IQCM: variants seen among roughly 807,000 people sequenced by gnomAD.
IQCM encodes IQ domain-containing protein M.
IQCM carries 45 observed loss-of-function variants against 57.6 expected under a neutral mutation model. The observed-to-expected ratio is 0.78, with a 90% CI of 0.62 to 1.00. IQCM has a LOEUF of 1.00. Ranked by LOEUF, IQCM falls within the 50% of genes least tolerant of loss-of-function variation. The probability of loss-of-function intolerance (pLI) is 0.00; values close to 1 mark genes in which losing one functional copy is unlikely to be tolerated. For missense variants in IQCM, 468 were observed against 511.6 expected (o/e 0.91, Z 0.82); for synonymous variants, 148 against 158.9 (o/e 0.93, Z 0.51).
chr4:149,457,865 T>C (rs1209368592), intron 12 of IQCM, among the ~76,000 whole-genome samples: 1 of 152,054 alleles, frequency 6.6e-6, no homozygotes, highest in Non-Finnish European at 1.5e-5. Context: ...AAATTAGACA[T>C]TCATTTTGAC....
intron 5 of IQCM, among the ~76,000 whole-genome samples, chr4:149,698,525 T>C (rs1763509798): frequency 6.6e-6 from 1 of 152,088 alleles, no homozygotes; most frequent in African/African-American, 2.4e-5. Flanking sequence ...GTTTTGTCAG[T>C]GCAATTTAAC....
intron 7 of IQCM, among the ~76,000 whole-genome samples, chr4:149,643,117 A>G (rs532983663): frequency 6.6e-6 from 1 of 152,336 alleles, no homozygotes; most frequent in Admixed American, 6.5e-5. Flanking sequence ...ACATAGGAAC[A>G]ACAACATAGC....
At chr4:149,379,855 C>T (rs1297584259) in intron 13 of IQCM, among the ~76,000 whole-genome samples, 1 of 152,166 alleles carries the variant, frequency 6.6e-6, no homozygotes, top group Non-Finnish European at 1.5e-5. Flanking sequence ...ACCCAAATCT[C>T]ATCTTGAATT....
chr4:149,514,987 T>C (rs1744792854), intron 12 of IQCM, among the ~76,000 whole-genome samples: 1 of 152,088 alleles, frequency 6.6e-6, no homozygotes, highest in Admixed American at 6.6e-5. Context: ...CTGGCTTCCT[T>C]GCTCCTCAGC....
chr4:149,664,543 C>A (rs531569835), intron 7 of IQCM, among the ~76,000 whole-genome samples: 175 of 152,196 alleles, frequency 1.1e-3, no homozygotes, highest in Middle Eastern at 3.4e-3. Context: ...CATCTCTGTG[C>A]AATTTCTTTA....
intron 12 of IQCM, among the ~76,000 whole-genome samples, chr4:149,548,105 C>A (rs1748642018): frequency 1.3e-5 from 2 of 152,064 alleles, no homozygotes; most frequent in Admixed American, 6.5e-5. Flanking sequence ...AGAAAGCCTC[C>A]TAGCATCAGT....
chr4:149,697,147 A>C (rs1763400786), intron 5 of IQCM, among the ~76,000 whole-genome samples: 1 of 152,118 alleles, frequency 6.6e-6, no homozygotes, highest in Non-Finnish European at 1.5e-5. Context: ...CTACAGGGCC[A>C]TACATTATCT....
intron 8 of IQCM, among the ~76,000 whole-genome samples, chr4:149,590,655 C>T (rs185238786): frequency 3.3e-5 from 5 of 151,946 alleles, no homozygotes; most frequent in Admixed American, 6.6e-5. Context: ...CTTGTCTCCA[C>T]GTGTTCTCAT....
At chr4:149,625,101 G>A (rs554737158) in intron 7 of IQCM, among the ~76,000 whole-genome samples, 1 of 152,314 alleles carries the variant, frequency 6.6e-6, no homozygotes, top group African/African-American at 2.4e-5. Context: ...GCAAACTAGA[G>A]TTGACAAATA....
Position 149,538,321 on chromosome 4 carries a change from A to G in IQCM, c.1228+10134T>C, listed in dbSNP as rs541040055. On this transcript the variant is annotated intron_variant, in intron 12 of 13. Coordinates refer to ENST00000636793, the MANE Select transcript of IQCM (RefSeq NM_001363507.2). ...ATTATTTTAGCATTTATCTAAAAAT[A>G]TTGGAATAAATTAAAATGTATATTG... is the stretch of plus-strand genomic sequence containing the variant. Among the ~76,000 whole-genome samples, 151 of 151,960 alleles carry G rather than the reference A, an allele frequency of 9.9e-4. 5 individuals carry two copies. In the South Asian group the frequency reaches 0.03, roughly 30 times the overall value.
intron 2 of IQCM, among the ~76,000 whole-genome samples, chr4:149,745,646 T>C (rs1767857933): frequency 6.6e-6 from 1 of 152,176 alleles, no homozygotes; most frequent in Non-Finnish European, 1.5e-5. Context: ...TACCTTATCT[T>C]CTTAGCTTGA....
chr4:149,810,735 C>A (rs1774497531), intron 2 of IQCM, among the ~76,000 whole-genome samples: 1 of 152,108 alleles, frequency 6.6e-6, no homozygotes, highest in Non-Finnish European at 1.5e-5. Flanking sequence ...CAGGCGTGAG[C>A]CACCATGCCC....
chr4:149,656,580 T>A (rs542057810), intron 7 of IQCM, among the ~76,000 whole-genome samples: 1 of 152,288 alleles, frequency 6.6e-6, no homozygotes, highest in South Asian at 2.1e-4. Context: ...TTAAAAAATC[T>A]ATTTTCCACT....
At chr4:149,760,091 G>A (rs1437890554) in intron 2 of IQCM, among the ~76,000 whole-genome samples, 3 of 152,034 alleles carry the variant, frequency 2.0e-5, no homozygotes, top group African/African-American at 7.2e-5. Context: ...TGAAGATGAT[G>A]GGGAGAGAAG....
chr4:149,460,218 C>G (rs1188908361), intron 12 of IQCM, among the ~76,000 whole-genome samples: 1 of 152,090 alleles, frequency 6.6e-6, no homozygotes, highest in Non-Finnish European at 1.5e-5. Context: ...TGTATATCTA[C>G]TTTGGAGAAA....
chr4:149,623,644 A>G (rs1389368603), intron 7 of IQCM, among the ~76,000 whole-genome samples: 1 of 152,232 alleles, frequency 6.6e-6, no homozygotes, highest in Non-Finnish European at 1.5e-5. Context: ...ATCAGACTAA[A>G]TCTTCACAAA....
At chr4:149,730,175 C>G (rs566443119) in intron 5 of IQCM, among the ~76,000 whole-genome samples, 1 of 152,306 alleles carries the variant, frequency 6.6e-6, no homozygotes, top group Non-Finnish European at 1.5e-5. Context: ...ACCACTAACC[C>G]ACTACCACAG....
Position 149,442,159 on chromosome 4 carries a change from A to G in IQCM, c.1229-8602T>C, listed in dbSNP as rs562862520. On this transcript the variant is annotated intron_variant, in intron 12 of 13. Transcript: ENST00000636793. ...AATGAGACTTGTGAGTCACACATTT[A>G]TTCTTTTCAAAGAGCCTTTGTGTGA... 4.9e-4 allele frequency among the ~76,000 whole-genome samples: 74 copies of G among 152,268 alleles called. 1 individual carries two copies. In the South Asian group the frequency reaches 0.015, roughly 32 times the overall value.
At chr4:149,547,260 C>T (rs1431470285) in intron 12 of IQCM, among the ~76,000 whole-genome samples, 1 of 152,120 alleles carries the variant, frequency 6.6e-6, no homozygotes, top group African/African-American at 2.4e-5. Context: ...AGCATGATGC[C>T]TCCAGCTTTG....
Sources: allele counts gnomAD v4.1 joint callset (sites outside exome capture counted in the v4.1 genomes callset), GRCh38; gene constraint gnomAD v4.1.1; transcripts MANE v1.5; gene names NCBI Gene and HGNC (gene_info 2026-07-23, HGNC 2026-07-21).